The following SDR39U1 variants were observed in gnomAD, a reference collection of about 807,000 sequenced individuals.
The protein encoded by SDR39U1 is epimerase family protein SDR39U1.
SDR39U1 carries 29 observed loss-of-function variants against 31.7 expected under a neutral mutation model. That is an observed-to-expected ratio of 0.92 (90% confidence interval 0.68 to 1.25). The LOEUF is 1.25. Ranked by LOEUF, SDR39U1 falls within the 50% of genes most tolerant of loss-of-function variation. The pLI, the probability that SDR39U1 is intolerant of heterozygous loss-of-function variation, is 0.00. For missense variants in SDR39U1, 403 were observed against 378.4 expected (o/e 1.06, Z -0.54); for synonymous variants, 147 against 159.0 (o/e 0.92, Z 0.57).
In SDR39U1 at chr14:24,442,181, C is replaced by T; in HGVS notation, c.203G>A (p.Arg68Gln). ...LAGENILNPL[R>Q]RWNETFQKEV... ...CAGCTTTAGGGCCCGGGCTGACCTT[C>T]GGAGAGGGTTGAGGATGTTCTCTCC... The change falls in exon 3 of 6, where the codon CGA (arginine) becomes CAA (glutamine). Residue 68 changes from arginine to glutamine, a missense_variant. Arg to Gln is a conservative substitution (Grantham distance 43). Coordinates refer to ENST00000399395, the MANE Select transcript of SDR39U1 (RefSeq NM_020195.3). 1 of 1,610,382 alleles carries T rather than the reference C, an allele frequency of 6.2e-7. No individual in the cohort carries two copies. The highest frequency in any genetic ancestry group is 1.1e-5 in the South Asian group (1 of 90,180).
At position 24,439,916 on chromosome 14, in the gene SDR39U1, T is replaced by C. The variant is rs983629467; in HGVS notation, c.*167A>G. 1 of 606,508 alleles carries C rather than the reference T, an allele frequency of 1.6e-6. No homozygotes were observed. The highest frequency in any genetic ancestry group is 2.8e-6 in the Non-Finnish European group (1 of 353,610). 37.6% of individuals were successfully genotyped at this position (606,508 alleles called of 1,614,324 possible). A position where few individuals can be genotyped will look rare whatever the true frequency, so the allele number is the denominator to read the frequency against. ...AGATTAATGTCCCAACCTGATGAGA[T>C]TACGGCCTTGAGACAATAAGGTGGA... On this transcript the variant is annotated 3_prime_UTR_variant, in exon 6 of 6. Transcript: ENST00000399395.
At chr14:24,441,542 T>C in intron 4 of SDR39U1, 132 bp downstream of exon 4, 1 of 699,622 alleles carries the variant, frequency 1.4e-6, no homozygotes, top group South Asian at 2.2e-5. Flanking sequence ...AGGAGAAACA[T>C]GCATGGATCA....
Position 24,442,169 on chromosome 14 carries a change from C to T in SDR39U1, c.206+9G>A, listed in dbSNP as rs1305640066. The T allele has an allele frequency of 2.5e-6, 4 of 1,608,798 alleles. No homozygotes were observed. Among genetic ancestry groups the T allele is most frequent in the Admixed American group, 1.7e-5 (1 of 59,416 alleles). On this transcript the variant is annotated intron_variant, in intron 3 of 5. Coordinates refer to ENST00000399395, the MANE Select transcript of SDR39U1 (RefSeq NM_020195.3). ...TCTAGTGGGTATCAGCTTTAGGGCCCGGGCTGACCTTCGGAGAGGGTTGAG... is the reference window on the plus strand; with the variant it reads ...TCTAGTGGGTATCAGCTTTAGGGCCTGGGCTGACCTTCGGAGAGGGTTGAG...
intron 1 of SDR39U1, 97 bp from the exon 2 acceptor site, chr14:24,442,549 T>C: frequency 7.7e-7 from 1 of 1,298,484 alleles, no homozygotes; most frequent in Non-Finnish European, 1.1e-6. Context: ...CCATCCCATC[T>C]GACACCAGGC....
chr14:24,441,662 T>C lies in SDR39U1; in HGVS notation c.328+12A>G, dbSNP rs1294343017. The C allele has an allele frequency of 1.9e-6, 3 of 1,571,618 alleles. No individual in the cohort carries two copies. Among genetic ancestry groups the C allele is most frequent in the Non-Finnish European group, 2.6e-6 (3 of 1,164,778 alleles). ...TGGCGAATATAAGGGGCTGGTGATTTGGGGGGCGTACCTACACCTGTGACT... is the reference window on the plus strand; with the variant it reads ...TGGCGAATATAAGGGGCTGGTGATTCGGGGGGCGTACCTACACCTGTGACT... On this transcript the variant is annotated intron_variant, in intron 4 of 5. Transcript: ENST00000399395.
At position 24,440,795 on chromosome 14, in the gene SDR39U1, C is replaced by G. The variant is rs1293243604; in HGVS notation, c.460G>C (p.Val154Leu). ...GCCCGTTTCTCACCTGAGCGCACCA[C>G]CACCTGGCGTGTAGAATCTCCAGGA... is the stretch of plus-strand genomic sequence containing the variant. ...RLPGDSTRQVVVRSGVVLGRG... is the reference protein window; with the variant it reads ...RLPGDSTRQVLVRSGVVLGRG... The change falls in exon 5 of 6, where the codon GTG becomes CTG. Residue 154 changes from valine to leucine, a missense_variant. By Grantham distance (32) the Val-to-Leu change is conservative (BLOSUM62 1). Transcript: ENST00000399395. 2 of 1,613,976 alleles carry G rather than the reference C, an allele frequency of 1.2e-6. No individual in the cohort carries two copies. The highest frequency in any genetic ancestry group is 1.7e-6 in the Non-Finnish European group (2 of 1,179,854).
Position 24,440,195 on chromosome 14 carries a change from C to T in SDR39U1, c.770G>A (p.Arg257His), listed in dbSNP as rs759354151. The part of the protein sequence containing the change: ...AVVQAVFGRQ[R>H]AIMLLEGQKV... ...CTGGCCCTCCAGCAGCATGATGGCA[C>T]GCTGTCGCCCAAAGACAGCTTGCAC... The change falls in exon 6 of 6, where the codon CGT (arginine) becomes CAT (histidine). Residue 257 changes from arginine (R) to histidine (H), a missense_variant. By Grantham distance (29) the Arg-to-His change is conservative. Transcript: ENST00000399395. The T allele has an allele frequency of 3.8e-5, 62 of 1,613,834 alleles. No homozygotes were observed. The highest frequency in any genetic ancestry group is 1.5e-4 in the Admixed American group (9 of 59,988).
At position 24,442,261 on chromosome 14, in the gene SDR39U1, C is replaced by A. The variant is rs767487811; in HGVS notation, c.124-1G>T. On this transcript the variant is annotated splice_acceptor_variant, in intron 2 of 5. Transcript: ENST00000399395. LOFTEE classifies it high-confidence loss of function. ...GCAGCCCCGATGCAGCGAGCTCATC[C>A]TGTCGGAGAAAGCACACAGTGCCCC... The A allele has an allele frequency of 1.2e-6, 2 of 1,608,842 alleles. No individual in the cohort carries two copies. The highest frequency in any genetic ancestry group is 1.7e-6 in the Non-Finnish European group (2 of 1,177,898).
In SDR39U1 at chr14:24,440,862, A is replaced by G. The variant is rs1340038766; in HGVS notation, c.393T>C (p.Phe131=). The change falls in exon 5 of 6, where the codon TTT becomes TTC. Residue 131 remains phenylalanine, a synonymous_variant. Coordinates refer to ENST00000399395, the MANE Select transcript of SDR39U1 (RefSeq NM_020195.3). The part of the protein sequence containing the change: ...DEDSPGGDFD[F]FSNLVTKWEA... ...CCCATTTGGTTACGAGGTTGGAGAA[A>G]AAGTCAAAGTCCCCTCCTGGGCTGT... The G allele has an allele frequency of 1.9e-6, 3 of 1,613,994 alleles. No homozygotes were observed. The highest frequency in any genetic ancestry group is 1.3e-5 in the African/African-American group (1 of 75,046).
intron 3 of SDR39U1, 62 bp from the exon 4 acceptor site, chr14:24,441,857 C>T: frequency 1.3e-6 from 2 of 1,552,134 alleles, no homozygotes; most frequent in Non-Finnish European, 1.7e-6. Flanking sequence ...ATCCCTCTCT[C>T]TGTCTTTTCC....
At chr14:24,441,103 GA>G in intron 4 of SDR39U1, 177 bp from the exon 5 acceptor site, 1 of 650,558 alleles carries the variant, frequency 1.5e-6, no homozygotes, top group Non-Finnish European at 2.7e-6. Context: ...TCCTTCCCTG[GA>G]GGAACTCTGG....
chr14:24,441,808 C>T lies in SDR39U1; in HGVS notation c.207-13G>A, dbSNP rs777531942. 13 of 1,603,558 alleles carry T rather than the reference C, an allele frequency of 8.1e-6. No homozygotes were observed. Among genetic ancestry groups the T allele is most frequent in the Non-Finnish European group, 1.0e-5 (12 of 1,175,854 alleles). ...GGTTTCATTCCATCTGCAGGAGAAA[C>T]ATGGGAAATAAAAAGCCACTAAATA... On this transcript the variant is annotated splice_polypyrimidine_tract_variant and intron_variant, in intron 3 of 5. Coordinates refer to ENST00000399395, the MANE Select transcript of SDR39U1 (RefSeq NM_020195.3).
At chr14:24,442,821 A>C (rs955288012), upstream of SDR39U1, 5 of 1,601,306 alleles carry the variant, frequency 3.1e-6, no homozygotes, top group African/African-American at 1.3e-5. Context: ...ACCTCACCTC[A>C]GACGCGACTA....
At chr14:24,442,056 T>G (rs2043360190) in intron 3 of SDR39U1, 122 bp downstream of exon 3, 1 of 1,544,714 alleles carries the variant, frequency 6.5e-7, no homozygotes. Flanking sequence ...GAATGAGTAG[T>G]CTGGGATATC....
rs2043391419 is a variant in SDR39U1, at chr14:24,442,736, C to T, written c.16+18G>A. The T allele has an allele frequency of 2.5e-6, 4 of 1,613,974 alleles. No individual in the cohort carries two copies. Among genetic ancestry groups the T allele is most frequent in the Non-Finnish European group, 3.4e-6 (4 of 1,179,832 alleles). ...CGACTAAGCCCGCCCAGCACTCTCC[C>T]TTTCTGCCCTCCCTCACCCACAAGC... On this transcript the variant is annotated intron_variant, in intron 1 of 5. Transcript: ENST00000399395.
chr14:24,440,598 G>T, intron 5 of SDR39U1, 106 bp from the exon 6 acceptor site: 1 of 1,426,474 alleles, frequency 7.0e-7, no homozygotes, highest in South Asian at 1.3e-5. Flanking sequence ...ATGCTGACTT[G>T]GCTCTGTAAC....
Position 24,441,806 on chromosome 14 carries a change from A to C in SDR39U1, c.207-11T>G. On this transcript the variant is annotated splice_polypyrimidine_tract_variant and intron_variant, in intron 3 of 5. Coordinates refer to ENST00000399395, the MANE Select transcript of SDR39U1 (RefSeq NM_020195.3). ...AAGGTTTCATTCCATCTGCAGGAGA[A>C]ACATGGGAAATAAAAAGCCACTAAA... 6.2e-7 allele frequency: 1 copy of C among 1,604,178 alleles called. No individual in the cohort carries two copies. The highest frequency in any genetic ancestry group is 8.5e-7 in the Non-Finnish European group (1 of 1,176,052).
rs368726720 is a variant in SDR39U1 at position 24,442,455 on chromosome 14, G to A, written c.17-3C>T. The A allele has an allele frequency of 8.1e-5, 130 of 1,596,558 alleles. No individual in the cohort carries two copies. The highest frequency in any genetic ancestry group is 1.0e-4 in the Non-Finnish European group (120 of 1,171,062). On this transcript the variant is annotated splice_polypyrimidine_tract_variant and splice_region_variant and intron_variant, in intron 1 of 5. Transcript: ENST00000399395. ...CCCAATGAAGCCTGTCCCGCCACCT[G>A]ATCGGAAAATACAAATTGTTTATAT...
chr14:24,442,637 C>A (rs2043385727), intron 1 of SDR39U1, 117 bp downstream of exon 1: 2 of 1,384,558 alleles, frequency 1.4e-6, no homozygotes, highest in South Asian at 2.3e-5. Context: ...GCTTCTCGGG[C>A]TAGGAGGCCA....
Sources: allele counts gnomAD v4.1 joint callset, GRCh38; gene constraint gnomAD v4.1.1; transcripts MANE v1.5; gene names NCBI Gene and HGNC (gene_info 2026-07-23, HGNC 2026-07-21).